The following TSC22D2 variants were observed in gnomAD, a reference collection of about 807,000 sequenced individuals.
TSC22D2 encodes the protein TSC22 domain family member 2.
A neutral mutation model predicts 50.1 loss-of-function variants in TSC22D2; 5 were observed. That is an observed-to-expected ratio of 0.10 (90% CI 0.05 to 0.21). TSC22D2 has a LOEUF of 0.21. Among genes scored for constraint, TSC22D2 ranks in the 10% least tolerant of loss-of-function variants. The pLI is 1.00. For missense variants in TSC22D2, 1,003 were observed against 1,015.5 expected (o/e 0.99, Z 0.17); for synonymous variants, 501 against 450.1 (o/e 1.11, Z -1.43).
intron 1 of TSC22D2, among the ~76,000 whole-genome samples, chr3:150,444,978 T>C (rs977740458): frequency 2.0e-5 from 3 of 152,184 alleles, no homozygotes; most frequent in African/African-American, 7.2e-5. Flanking sequence ...TTTAGTAATA[T>C]TTATTGTTGA....
chr3:150,454,779 T>C (rs1721138112), intron 1 of TSC22D2, among the ~76,000 whole-genome samples: 1 of 152,206 alleles, frequency 6.6e-6, no homozygotes, highest in South Asian at 2.1e-4. Flanking sequence ...ACAGTTGAAA[T>C]ATTAACACCA....
intron 1 of TSC22D2, among the ~76,000 whole-genome samples, chr3:150,454,315 AAT>A (rs1721126260): frequency 6.6e-6 from 1 of 152,218 alleles, no homozygotes; most frequent in Non-Finnish European, 1.5e-5. Flanking sequence ...ACAGACTACA[AAT>A]AGTTGTATAA....
At chr3:150,430,940 A>G (rs1269709770) in intron 1 of TSC22D2, among the ~76,000 whole-genome samples, 2 of 152,172 alleles carry the variant, frequency 1.3e-5, no homozygotes, top group East Asian at 1.9e-4. Context: ...AATTACAAGA[A>G]TAGTACAAAG....
At chr3:150,443,840 A>C (rs1720794168) in intron 1 of TSC22D2, among the ~76,000 whole-genome samples, 1 of 152,174 alleles carries the variant, frequency 6.6e-6, no homozygotes, top group Non-Finnish European at 1.5e-5. Flanking sequence ...CCTTAAATCC[A>C]TGATTCTAAT....
chr3:150,424,070 C>A (rs536594645), intron 1 of TSC22D2, among the ~76,000 whole-genome samples: 1 of 152,116 alleles, frequency 6.6e-6, no homozygotes, highest in African/African-American at 2.4e-5. Flanking sequence ...CTTAATTCTT[C>A]GGCTTGATTT....
chr3:150,415,256 A>C (rs931756420), intron 1 of TSC22D2, among the ~76,000 whole-genome samples: 2 of 152,210 alleles, frequency 1.3e-5, no homozygotes, highest in African/African-American at 4.8e-5. Flanking sequence ...TCACAGTGAC[A>C]CATACTGTAT....
intron 1 of TSC22D2, among the ~76,000 whole-genome samples, chr3:150,429,899 C>G (rs1462129647): frequency 1.3e-5 from 2 of 152,112 alleles, no homozygotes; most frequent in Non-Finnish European, 2.9e-5. Context: ...CCTTAAAAAT[C>G]TCACTTTTTT....
chr3:150,411,765 G>A (rs895639740), intron 1 of TSC22D2, among the ~76,000 whole-genome samples: 8 of 152,006 alleles, frequency 5.3e-5, no homozygotes, highest in Admixed American at 2.6e-4. Context: ...AAAAATCTAT[G>A]TAAGGAATCT....
intron 1 of TSC22D2, among the ~76,000 whole-genome samples, chr3:150,415,732 C>T (rs1719771905): frequency 6.6e-6 from 1 of 152,114 alleles, no homozygotes; most frequent in African/African-American, 2.4e-5. Flanking sequence ...AGGAGGATTG[C>T]TTGAGCCCAG....
chr3:150,422,172 A>G (rs965055518), intron 1 of TSC22D2, among the ~76,000 whole-genome samples: 6 of 152,238 alleles, frequency 3.9e-5, no homozygotes, highest in African/African-American at 1.4e-4. Flanking sequence ...TGGGCTAAGA[A>G]TTTTAAAAGT....
At chr3:150,413,184 A>T (rs2108059620) in intron 1 of TSC22D2, among the ~76,000 whole-genome samples, 1 of 152,304 alleles carries the variant, frequency 6.6e-6, no homozygotes, top group East Asian at 1.9e-4. Flanking sequence ...TCAAAAATGC[A>T]TTTATTTTTT....
intron 1 of TSC22D2, among the ~76,000 whole-genome samples, chr3:150,433,039 T>C (rs954570639): frequency 3.3e-5 from 5 of 152,216 alleles, no homozygotes; most frequent in South Asian, 2.1e-4. Context: ...GTTTAAACTT[T>C]AGTTGGCTAC....
intron 1 of TSC22D2, among the ~76,000 whole-genome samples, chr3:150,427,789 C>G (rs958466728): frequency 1.3e-5 from 2 of 151,950 alleles, no homozygotes; most frequent in African/African-American, 4.8e-5. Context: ...TTCCTTACTT[C>G]ATTTCCTCCT....
At position 150,409,567 on chromosome 3, in the gene TSC22D2, A is replaced by G; in HGVS notation, c.217A>G (p.Asn73Asp). Reference protein sequence around the residue: ...CERSSSEETLNNVGDAETPGT... With the variant: ...CERSSSEETLDNVGDAETPGT... ...GCGCAGCTCTTCCGAAGAGACGCTT[A>G]ACAATGTTGGGGATGCGGAGACTCC... is the stretch of plus-strand genomic sequence containing the variant. The change falls in exon 1 of 3, where the codon AAC becomes GAC. Residue 73 changes from asparagine to aspartate, a missense_variant. Coordinates refer to ENST00000688009, the MANE Select transcript of TSC22D2 (RefSeq NM_001303264.2). The surrounding 1 kb of genome is among the most constrained non-coding windows in gnomAD (Gnocchi z 7.4). 2.5e-6 allele frequency: 4 copies of G among 1,600,792 alleles called. No individual in the cohort carries two copies. Among genetic ancestry groups the G allele is most frequent in the Non-Finnish European group, 2.6e-6 (3 of 1,169,588 alleles).
At chr3:150,428,870 T>A (rs562024600) in intron 1 of TSC22D2, among the ~76,000 whole-genome samples, 2 of 152,254 alleles carry the variant, frequency 1.3e-5, no homozygotes, top group African/African-American at 4.8e-5. Context: ...CCTTGGGAAA[T>A]GGTCTTGCCA....
At chr3:150,428,460 T>A (rs1326626920) in intron 1 of TSC22D2, among the ~76,000 whole-genome samples, 1 of 151,996 alleles carries the variant, frequency 6.6e-6, no homozygotes, top group East Asian at 1.9e-4. Flanking sequence ...TCAGATGACA[T>A]TAAATCAAGG....
intron 1 of TSC22D2, among the ~76,000 whole-genome samples, chr3:150,451,331 A>G (rs1414406078): frequency 6.6e-6 from 1 of 152,186 alleles, no homozygotes; most frequent in Non-Finnish European, 1.5e-5. Context: ...GTTCTTAGCA[A>G]TTAGGTAAAC....
At chr3:150,440,435 A>G (rs978013414) in intron 1 of TSC22D2, among the ~76,000 whole-genome samples, 1 of 150,344 alleles carries the variant, frequency 6.7e-6, no homozygotes, top group Non-Finnish European at 1.5e-5. Flanking sequence ...ACTTATGAAT[A>G]TAAGCAAATA....
chr3:150,413,582 G>A (rs1181083412), intron 1 of TSC22D2, among the ~76,000 whole-genome samples: 4 of 140,674 alleles, frequency 2.8e-5, no homozygotes, highest in African/African-American at 1.0e-4. Context: ...TTAATAGAAA[G>A]CTTTGGTTAA....
Sources: gnomAD v4.1 joint callset for allele counts (sites outside exome capture counted in the v4.1 genomes callset) on GRCh38, gnomAD v4.1.1 for gene constraint, Gnocchi (gnomAD v3.1) non-coding constraint, MANE v1.5 for transcripts, NCBI Gene and HGNC (gene_info 2026-07-23, HGNC 2026-07-21) for gene names.